Variants in IMPA1 observed in about 807,000 individuals in gnomAD.
IMPA1 encodes inositol monophosphatase 1.
In IMPA1, 21 loss-of-function variants were observed where a neutral mutation model predicts 34.9. The observed-to-expected ratio is 0.60, with a 90% CI of 0.43 to 0.87. The LOEUF (loss-of-function observed/expected upper bound fraction) is 0.87, where lower values mean the gene tolerates loss of function less well. Among genes scored for constraint, IMPA1 ranks in the 40% least tolerant of loss-of-function variants. The pLI is 0.00. For missense variants in IMPA1, 299 were observed against 336.4 expected, an observed-to-expected ratio of 0.89 and a Z score of 0.87; for synonymous variants, 95 against 104.4, an observed-to-expected ratio of 0.91 and a Z score of 0.55.
intron 7 of IMPA1, among the ~76,000 whole-genome samples, chr8:81,666,271 A>C (rs1585891230): frequency 1.3e-5 from 2 of 152,206 alleles, no homozygotes; most frequent in South Asian, 4.1e-4. Context: ...CTGGAATAAA[A>C]TGTAATCTTT....
Position 81,659,397 on chromosome 8 carries a change from G to A in IMPA1, c.788C>T (p.Ala263Val). 6.2e-7 allele frequency: 1 copy of A among 1,611,672 alleles called. No individual in the cohort carries two copies. Among genetic ancestry groups the A allele is most frequent in the Non-Finnish European group, 8.5e-7 (1 of 1,178,054 alleles). The stretch of plus-strand genomic sequence containing the variant: ...CAAAGGTATAACCTGAATTTCTTTA[G>A]CTATCCTTTCTGCTAATATTCTATT... ...ANNRILAERI[A>V]KEIQVIPLQR... Residue 263 changes from alanine to valine, a missense_variant, in exon 9 of 9, where the codon GCT (alanine) becomes GTT (valine). Coordinates refer to ENST00000256108, the MANE Select transcript of IMPA1 (RefSeq NM_005536.4).
Position 81,660,566 on chromosome 8 carries a change from C to T in IMPA1, c.668G>A (p.Gly223Glu). Residue 223 changes from glycine (G) to glutamate (E), a missense_variant, in exon 8 of 9, where the codon GGA becomes GAA. Coordinates refer to ENST00000256108, the MANE Select transcript of IMPA1 (RefSeq NM_005536.4). ...EMGIHCWDVA[G>E]AGIIVTEAGG... ...AGCTTCAGTAACAATAATGCCAGCT[C>T]CTGCAACATCCCAGCAGTGAATTCC... The T allele has an allele frequency of 6.2e-7, 1 of 1,613,934 alleles. No homozygotes were observed. Among genetic ancestry groups the T allele is most frequent in the South Asian group, 1.1e-5 (1 of 91,068 alleles).
intron 7 of IMPA1, among the ~76,000 whole-genome samples, chr8:81,669,971 C>T (rs1025773407): frequency 2.6e-5 from 4 of 152,150 alleles, no homozygotes; most frequent in African/African-American, 9.7e-5. Flanking sequence ...GCATGCTCAG[C>T]CCCACCATGT....
chr8:81,669,716 T>C (rs1041869257), intron 7 of IMPA1, among the ~76,000 whole-genome samples: 2 of 152,148 alleles, frequency 1.3e-5, no homozygotes, highest in South Asian at 4.1e-4. Context: ...ATGGAATGAG[T>C]GTATTTGTAT....
intron 5 of IMPA1, chr8:81,674,480 T>C (rs1384829365): frequency 2.5e-5 from 6 of 237,942 alleles, no homozygotes; most frequent in Non-Finnish European, 3.4e-5. Flanking sequence ...CTTCTGAAAG[T>C]CCCACAAAGA....
chr8:81,682,203 G>GA (rs145233327), intron 1 of IMPA1, among the ~76,000 whole-genome samples: 14,448 of 150,650 alleles, frequency 0.096, 859 homozygotes, highest in Middle Eastern at 0.16. Context: ...TTCACAGAGG[G>GA]AAAAAAAAAC....
At position 81,683,643 on chromosome 8, in the gene IMPA1, G is replaced by A. The variant is rs575960272; in HGVS notation, c.-24-2059C>T. Among the ~76,000 whole-genome samples, 12 of 152,196 alleles carry A rather than the reference G, an allele frequency of 7.9e-5. No homozygotes were observed. In the South Asian group the frequency reaches 2.3e-3, roughly 29 times the overall value. ...TTGAGAGATCAGGAGTTTAATTAGC[G>A]GAAGATGAGAGGCCTCTGTAAAATC... On this transcript the variant is annotated intron_variant, in intron 1 of 8. Coordinates refer to ENST00000256108, the MANE Select transcript of IMPA1 (RefSeq NM_005536.4).
chr8:81,671,663 G>A (rs372702849), intron 6 of IMPA1, among the ~76,000 whole-genome samples: 106 of 152,080 alleles, frequency 7.0e-4, no homozygotes, highest in Non-Finnish European at 1.0e-3. Context: ...TTTGGGAGGC[G>A]GAGGCAGGCA....
chr8:81,681,979 A>C (rs1807313014), intron 1 of IMPA1, among the ~76,000 whole-genome samples: 1 of 152,174 alleles, frequency 6.6e-6, no homozygotes, highest in South Asian at 2.1e-4. Context: ...CTTGAAGGGA[A>C]GCAGCAAAAG....
At chr8:81,668,364 C>G (rs1182749808) in intron 7 of IMPA1, among the ~76,000 whole-genome samples, 1 of 152,162 alleles carries the variant, frequency 6.6e-6, no homozygotes, top group Non-Finnish European at 1.5e-5. Context: ...TTGGGCAGAT[C>G]GCTTGAGCCC....
At chr8:81,686,084 G>A (rs1361574277) in intron 1 of IMPA1, 168 bp downstream of exon 1, 2 of 950,642 alleles carry the variant, frequency 2.1e-6, no homozygotes, top group Non-Finnish European at 2.8e-6. Context: ...GTCGCCCAGG[G>A]CAGCTCCGGA....
chr8:81,660,377 T>C, intron 8 of IMPA1, 139 bp downstream of exon 8: 1 of 611,068 alleles, frequency 1.6e-6, no homozygotes, highest in Non-Finnish European at 2.8e-6. Flanking sequence ...AAGCTTATTT[T>C]GATTTTGCAC....
At chr8:81,677,477 A>C (rs1807164484) in intron 4 of IMPA1, among the ~76,000 whole-genome samples, 1 of 152,074 alleles carries the variant, frequency 6.6e-6, no homozygotes, top group Admixed American at 6.6e-5. Flanking sequence ...ACTTGTCTCT[A>C]CTCCAACAGC....
rs553550966 is a variant in IMPA1, at chr8:81,665,070, T to C, written c.567-4403A>G. Among the ~76,000 whole-genome samples the C allele has an allele frequency of 2.8e-3, 424 of 151,924 alleles. 1 individual carries two copies. Among genetic ancestry groups the C allele is most frequent in the Non-Finnish European group, 5.0e-3 (342 of 67,950 alleles). On this transcript the variant is annotated intron_variant, in intron 7 of 8. Coordinates refer to ENST00000256108, the MANE Select transcript of IMPA1 (RefSeq NM_005536.4). Reference sequence around the variant, plus strand: ...CCCTGATCACAAAACGAAGTGAAAATAGAAAAAAGTAGACCACATTCACAC... The same window carrying C: ...CCCTGATCACAAAACGAAGTGAAAACAGAAAAAAGTAGACCACATTCACAC...
intron 7 of IMPA1, among the ~76,000 whole-genome samples, chr8:81,662,120 C>T (rs1295188270): frequency 6.6e-6 from 1 of 152,126 alleles, no homozygotes; most frequent in African/African-American, 2.4e-5. Context: ...TTTTGAAGCA[C>T]ATTAAATTTG....
intron 7 of IMPA1, among the ~76,000 whole-genome samples, chr8:81,664,698 G>A (rs1399173590): frequency 1.3e-5 from 2 of 151,904 alleles, no homozygotes; most frequent in African/African-American, 4.8e-5. Context: ...GGAAACAAGT[G>A]AAGGAAAAGT....
intron 5 of IMPA1, among the ~76,000 whole-genome samples, chr8:81,675,188 T>C (rs1807097221): frequency 6.6e-6 from 1 of 152,248 alleles, no homozygotes; most frequent in East Asian, 1.9e-4. Flanking sequence ...CCCACACGTA[T>C]AATGGTCTTC....
chr8:81,685,445 C>A (rs1409283243), intron 1 of IMPA1, among the ~76,000 whole-genome samples: 2 of 138,984 alleles, frequency 1.4e-5, no homozygotes, highest in African/African-American at 2.6e-5. Context: ...AAGTATATTT[C>A]TGTACTATAT....
chr8:81,667,917 A>G (rs1211891774), intron 7 of IMPA1, among the ~76,000 whole-genome samples: 2 of 149,346 alleles, frequency 1.3e-5, no homozygotes, highest in East Asian at 2.0e-4. Flanking sequence ...TCCGCCTCCC[A>G]GTTTCACGCC....
Sources: gnomAD v4.1 joint callset for allele counts (sites outside exome capture counted in the v4.1 genomes callset) on GRCh38, gnomAD v4.1.1 for gene constraint, MANE v1.5 for transcripts, NCBI Gene and HGNC (gene_info 2026-07-23, HGNC 2026-07-21) for gene names.